Variants in RARB observed in about 807,000 individuals in gnomAD.
RARB encodes the protein HBV-activated protein.
RARB carries 17 observed loss-of-function variants against 51.9 expected under a neutral mutation model. The observed-to-expected ratio is 0.33, with a 90% CI of 0.22 to 0.49. The LOEUF is 0.49. Among genes scored for constraint, RARB ranks in the 20% least tolerant of loss-of-function variants. The pLI, the probability that RARB is intolerant of heterozygous loss-of-function variation, is 0.99. For missense variants in RARB, 369 were observed against 550.8 expected (o/e 0.67, Z 3.30); for synonymous variants, 215 against 195.4 (o/e 1.10, Z -0.84).
chr3:25,117,167 C>T (rs1445323530), intron 3 of RARB, among the ~76,000 whole-genome samples: 2 of 152,082 alleles, frequency 1.3e-5, no homozygotes, highest in East Asian at 1.9e-4. Context: ...AGATAGAGCC[C>T]GCGTCCTACA....
Position 25,299,658 on chromosome 3 carries a change from A to G in RARB, c.178+125083A>G, listed in dbSNP as rs151034534. On this transcript the variant is annotated intron_variant, in intron 5 of 11. Coordinates refer to the RARB transcript ENST00000383772. ...TTAAAAGTTTTTAAAAGACCATACA[A>G]TTGGTTTTCTTTATAATCCAATATG... Among the ~76,000 whole-genome samples the G allele has an allele frequency of 6.3e-4, 96 of 152,266 alleles. No individual in the cohort carries two copies. The East Asian group carries it at 0.015, about 24-fold the overall frequency.
intron 2 of RARB, among the ~76,000 whole-genome samples, chr3:25,462,034 G>T (rs957099037): frequency 1.3e-5 from 2 of 152,188 alleles, no homozygotes; most frequent in African/African-American, 4.8e-5. Context: ...GAATCAACTT[G>T]CAGGGAATTC....
At chr3:25,550,438 C>A (rs1473043959) in intron 3 of RARB, among the ~76,000 whole-genome samples, 1 of 152,160 alleles carries the variant, frequency 6.6e-6, no homozygotes, top group East Asian at 1.9e-4. Flanking sequence ...CTTTCTGGTT[C>A]ATAGATAGGT....
chr3:24,961,846 A>G (rs1696145588), intron 2 of RARB, among the ~76,000 whole-genome samples: 1 of 152,088 alleles, frequency 6.6e-6, no homozygotes, highest in Non-Finnish European at 1.5e-5. Flanking sequence ...ATAAAAACAA[A>G]GCATTTTGGT....
intron 1 of RARB, among the ~76,000 whole-genome samples, chr3:25,437,489 G>A (rs769516538): frequency 6.6e-6 from 1 of 152,120 alleles, no homozygotes; most frequent in Non-Finnish European, 1.5e-5. Context: ...AGATGAATCA[G>A]ACACTGTCCC....
intron 3 of RARB, among the ~76,000 whole-genome samples, chr3:25,101,445 T>A (rs1489368902): frequency 6.6e-6 from 1 of 152,126 alleles, no homozygotes; most frequent in East Asian, 1.9e-4. Context: ...CTAGAATATA[T>A]CCTTCAAAGT....
intron 3 of RARB, among the ~76,000 whole-genome samples, chr3:25,130,929 C>CAATATTTATT (rs1646174758): frequency 1.3e-4 from 4 of 29,966 alleles, no homozygotes; most frequent in Non-Finnish European, 2.7e-4. Context: ...CAATATTTAT[C>CAATATTTATT]ATTGATAATA....
chr3:25,229,077 C>T (rs1026440977), intron 5 of RARB, among the ~76,000 whole-genome samples: 2 of 152,072 alleles, frequency 1.3e-5, no homozygotes, highest in African/African-American at 4.8e-5. Flanking sequence ...CTTTCAAGAC[C>T]TGCTAACTTA....
At chr3:25,347,305 G>A (rs1459120374) in intron 5 of RARB, among the ~76,000 whole-genome samples, 2 of 152,188 alleles carry the variant, frequency 1.3e-5, no homozygotes, top group Non-Finnish European at 2.9e-5. Context: ...AGTGAAAAAT[G>A]GATGAGGCTT....
intron 5 of RARB, among the ~76,000 whole-genome samples, chr3:25,355,504 T>C (rs1030820001): frequency 6.6e-6 from 1 of 152,082 alleles, no homozygotes; most frequent in Non-Finnish European, 1.5e-5. Flanking sequence ...CTGGAGTTTG[T>C]TTGTTTGTTT....
intron 3 of RARB, among the ~76,000 whole-genome samples, chr3:25,532,812 G>A (rs532785665): frequency 6.6e-6 from 1 of 152,300 alleles, no homozygotes; most frequent in East Asian, 1.9e-4. Context: ...CGAGCCACAA[G>A]ATGAGAGAAT....
intron 1 of RARB, among the ~76,000 whole-genome samples, chr3:25,453,011 A>G (rs562576774): frequency 1.5e-4 from 23 of 152,330 alleles, no homozygotes; most frequent in African/African-American, 5.3e-4. Context: ...ATCTTAATGC[A>G]TTAAGTACTT....
chr3:25,366,521 T>C (rs1706124478), intron 5 of RARB, among the ~76,000 whole-genome samples: 1 of 151,970 alleles, frequency 6.6e-6, no homozygotes, highest in Non-Finnish European at 1.5e-5. Flanking sequence ...AGCACAAAGA[T>C]TCCTAGAAAA....
At chr3:25,273,963 C>A (rs1703317929) in intron 5 of RARB, among the ~76,000 whole-genome samples, 1 of 152,192 alleles carries the variant, frequency 6.6e-6, no homozygotes, top group Non-Finnish European at 1.5e-5. Flanking sequence ...CTGCACTGTG[C>A]ACCCTGACTA....
At chr3:24,905,755 A>T (rs879917964) in intron 2 of RARB, among the ~76,000 whole-genome samples, 2 of 152,196 alleles carry the variant, frequency 1.3e-5, no homozygotes, top group East Asian at 1.9e-4. Flanking sequence ...TAAAAGCATC[A>T]CTGAGCAGTT....
chr3:25,489,306 TTTTTTGCTAATTTGGAATA>T (rs1696614261), intron 2 of RARB, among the ~76,000 whole-genome samples: 1 of 152,242 alleles, frequency 6.6e-6, no homozygotes. Flanking sequence ...TTTGAGCCTA[TTTTTTGCTAATTTGGAATA>T]AATCAGTAAG....
At chr3:25,137,204 C>A (rs928446031) in intron 4 of RARB, among the ~76,000 whole-genome samples, 1 of 151,860 alleles carries the variant, frequency 6.6e-6, no homozygotes, top group East Asian at 1.9e-4. Flanking sequence ...AAAAGGACAG[C>A]CTTATACATC....
At chr3:24,873,803 A>G (rs1043555148) in intron 2 of RARB, among the ~76,000 whole-genome samples, 1 of 151,886 alleles carries the variant, frequency 6.6e-6, no homozygotes, top group Non-Finnish European at 1.5e-5. Context: ...TTTGATACCT[A>G]CTTTTGACAA....
chr3:25,091,933 A>G (rs983563537), intron 3 of RARB, among the ~76,000 whole-genome samples: 2 of 152,130 alleles, frequency 1.3e-5, no homozygotes, highest in African/African-American at 4.8e-5. Context: ...GTGGAGATAT[A>G]TTTTCAGAAT....
Sources: gnomAD v4.1 joint callset for allele counts (sites outside exome capture counted in the v4.1 genomes callset) on GRCh38, gnomAD v4.1.1 for gene constraint, MANE v1.5 for transcripts, NCBI Gene and HGNC (gene_info 2026-07-23, HGNC 2026-07-21) for gene names.